Variants in ARIH1 observed in about 807,000 individuals in gnomAD.
The protein encoded by ARIH1 is E3 ubiquitin-protein ligase ARIH1.
ARIH1 carries 8 observed loss-of-function variants against 85.0 expected under a neutral mutation model. The ratio of observed to expected loss-of-function variants is 0.09; its 90% CI spans 0.06 to 0.17. The LOEUF (loss-of-function observed/expected upper bound fraction) is 0.17, where lower values mean the gene tolerates loss of function less well. ARIH1 is among the 10% of genes least tolerant of loss of function. The probability of loss-of-function intolerance (pLI) is 1.00; values close to 1 mark genes in which losing one functional copy is unlikely to be tolerated. For missense variants in ARIH1, 311 were observed against 718.1 expected, an observed-to-expected ratio of 0.43 and a Z score of 6.48; for synonymous variants, 238 against 253.6, an observed-to-expected ratio of 0.94 and a Z score of 0.59.
intron 1 of ARIH1, among the ~76,000 whole-genome samples, chr15:72,512,615 G>A (rs2063955532): frequency 6.8e-6 from 1 of 146,156 alleles, no homozygotes; most frequent in Non-Finnish European, 1.5e-5. Context: ...TTTTCCTGAA[G>A]TGTTTGAGAT....
intron 2 of ARIH1, among the ~76,000 whole-genome samples, chr15:72,540,227 C>T (rs28453701): frequency 0.015 from 2,131 of 139,708 alleles, 51 homozygotes; most frequent in Admixed American, 0.06. Flanking sequence ...CATTGTACTC[C>T]AGCCTGGGTG....
At chr15:72,499,786 T>A (rs1002540422) in intron 1 of ARIH1, among the ~76,000 whole-genome samples, 2 of 152,194 alleles carry the variant, frequency 1.3e-5, no homozygotes, top group African/African-American at 4.8e-5. Flanking sequence ...CTCTTACATA[T>A]AGCTCTCAAC....
intron 6 of ARIH1, among the ~76,000 whole-genome samples, chr15:72,563,134 T>G (rs1377516883): frequency 6.6e-6 from 1 of 152,220 alleles, no homozygotes; most frequent in African/African-American, 2.4e-5. Context: ...CTCTGCAGCC[T>G]CTACTTCCTG....
chr15:72,486,609 A>G (rs763304036), intron 1 of ARIH1, among the ~76,000 whole-genome samples: 5 of 151,948 alleles, frequency 3.3e-5, no homozygotes, highest in Non-Finnish European at 7.4e-5. Context: ...GGTGGCTTAA[A>G]AAATTCTTAA....
chr15:72,491,551 A>G (rs1254095562), intron 1 of ARIH1, among the ~76,000 whole-genome samples: 1 of 152,236 alleles, frequency 6.6e-6, no homozygotes, highest in Non-Finnish European at 1.5e-5. Flanking sequence ...GAAAAGTCAG[A>G]TATGAATGAA....
At position 72,576,042 on chromosome 15, in the gene ARIH1, C is replaced by T. The variant is rs143158870; in HGVS notation, c.1215+3877C>T. Among the ~76,000 whole-genome samples the T allele has an allele frequency of 3.2e-3, 482 of 152,034 alleles. 3 individuals are homozygous for T. Among genetic ancestry groups the T allele is most frequent in the African/African-American group, 0.011 (463 of 41,468 alleles). On this transcript the variant is annotated intron_variant, in intron 11 of 13. Transcript: ENST00000379887. ...CTTGTGTTGGTTTTTTGAAGTGTTT[C>T]GTTGTATAATGCTGGATCATGTGGT...
At chr15:72,502,776 A>G (rs962190241) in intron 1 of ARIH1, among the ~76,000 whole-genome samples, 3 of 152,192 alleles carry the variant, frequency 2.0e-5, no homozygotes, top group African/African-American at 7.2e-5. Context: ...ACTGTACTCC[A>G]GCCTGAGCGA....
At chr15:72,481,981 C>T (rs1283477499) in intron 1 of ARIH1, among the ~76,000 whole-genome samples, 5 of 152,034 alleles carry the variant, frequency 3.3e-5, no homozygotes, top group Middle Eastern at 3.2e-3. Flanking sequence ...GGATTACAGG[C>T]GCCCACCACT....
At chr15:72,475,226 G>C in intron 1 of ARIH1, 1 of 1,135,862 alleles carries the variant, frequency 8.8e-7, no homozygotes. Flanking sequence ...GCTGGGGGCG[G>C]TGCTTCCCAA....
intron 5 of ARIH1, among the ~76,000 whole-genome samples, chr15:72,557,170 A>T (rs1324106686): frequency 6.6e-6 from 1 of 151,966 alleles, no homozygotes; most frequent in Non-Finnish European, 1.5e-5. Context: ...GTGTGAGATG[A>T]TGTGGTACAT....
intron 7 of ARIH1, among the ~76,000 whole-genome samples, chr15:72,564,567 G>A (rs979623674): frequency 9.9e-5 from 15 of 152,090 alleles, no homozygotes; most frequent in Non-Finnish European, 2.1e-4. Flanking sequence ...TTACTACCTA[G>A]TTTCAAATCG....
At chr15:72,508,323 G>A (rs1014331217) in intron 1 of ARIH1, among the ~76,000 whole-genome samples, 5 of 152,170 alleles carry the variant, frequency 3.3e-5, no homozygotes, top group African/African-American at 1.2e-4. Flanking sequence ...CCTTTAAAAA[G>A]GATGAAGAGC....
Sources: allele counts gnomAD v4.1 joint callset (sites outside exome capture counted in the v4.1 genomes callset), GRCh38; gene constraint gnomAD v4.1.1; transcripts MANE v1.5; gene names NCBI Gene and HGNC (gene_info 2026-07-23, HGNC 2026-07-21).